The following BCHE variants were observed in gnomAD, a reference collection of about 807,000 sequenced individuals.
The protein encoded by BCHE is cholinesterase.
Under a neutral mutation model 51.3 loss-of-function variants are expected in BCHE, and 48 were observed. The ratio of observed to expected loss-of-function variants is 0.94; its 90% confidence interval spans 0.74 to 1.19. The LOEUF is 1.19. Among genes scored for constraint, BCHE ranks in the 50% most tolerant of loss-of-function variants. BCHE has a pLI of 0.00. For missense variants in BCHE, 847 were observed against 708.2 expected (o/e 1.20, Z -2.23); for synonymous variants, 251 against 238.0 (o/e 1.05, Z -0.50).
At chr3:165,810,599 GA>G (rs1226199117) in intron 2 of BCHE, among the ~76,000 whole-genome samples, 5 of 152,130 alleles carry the variant, frequency 3.3e-5, no homozygotes, top group African/African-American at 1.2e-4. Flanking sequence ...AACATGATAG[GA>G]AATATGAAAA....
At chr3:165,835,868 T>G (rs1412119641) in intron 1 of BCHE, among the ~76,000 whole-genome samples, 2 of 151,964 alleles carry the variant, frequency 1.3e-5, no homozygotes, top group Non-Finnish European at 2.9e-5. Flanking sequence ...CCTCTTAGGT[T>G]GCTATCTATT....
chr3:165,787,302 A>G (rs116035307), intron 2 of BCHE, among the ~76,000 whole-genome samples: 261 of 151,972 alleles, frequency 1.7e-3, no homozygotes, highest in African/African-American at 6.1e-3. Context: ...CACAGTCACT[A>G]CATCTGTAGA....
intron 3 of BCHE, among the ~76,000 whole-genome samples, chr3:165,775,460 A>T (rs1712433820): frequency 6.6e-6 from 1 of 151,746 alleles, no homozygotes; most frequent in Non-Finnish European, 1.5e-5. Context: ...ATCCATTTTT[A>T]TGGTCTTTTA....
intron 2 of BCHE, among the ~76,000 whole-genome samples, chr3:165,824,401 TAGAAG>T (rs1308681666): frequency 6.6e-6 from 1 of 151,962 alleles, no homozygotes; most frequent in Non-Finnish European, 1.5e-5. Context: ...GAAATAGGAA[TAGAAG>T]AGAATTTCCT....
intron 2 of BCHE, among the ~76,000 whole-genome samples, chr3:165,793,412 T>C (rs538712521): frequency 2.6e-5 from 4 of 152,304 alleles, no homozygotes; most frequent in South Asian, 2.1e-4. Context: ...TTCTATGTAC[T>C]TTAGCTGTCC....
At chr3:165,781,552 G>A (rs1233508829) in intron 3 of BCHE, among the ~76,000 whole-genome samples, 1 of 152,000 alleles carries the variant, frequency 6.6e-6, no homozygotes, top group Non-Finnish European at 1.5e-5. Flanking sequence ...GAGAACACAT[G>A]GACACAGGGA....
In BCHE at chr3:165,776,629, A is replaced by G. The variant is rs577646593; in HGVS notation, c.1685-3123T>C. ...AACAAGATAAAAATTAATTTTAGAAATAAAGAACCCTAACTTGTAGAAAGA... is the reference window on the plus strand; with the variant it reads ...AACAAGATAAAAATTAATTTTAGAAGTAAAGAACCCTAACTTGTAGAAAGA... On this transcript the variant is annotated intron_variant, in intron 3 of 3. Transcript: ENST00000264381. 2.0e-4 allele frequency among the ~76,000 whole-genome samples: 31 copies of G among 152,054 alleles called. No homozygotes were observed. The South Asian group carries it at 5.6e-3, about 27-fold the overall frequency.
intron 3 of BCHE, among the ~76,000 whole-genome samples, chr3:165,777,472 G>A (rs1000097292): frequency 4.6e-5 from 7 of 151,888 alleles, no homozygotes; most frequent in African/African-American, 1.7e-4. Flanking sequence ...AAAAATTTAT[G>A]TCAAGATTTC....
chr3:165,801,822 T>C (rs1713660396), intron 2 of BCHE, among the ~76,000 whole-genome samples: 1 of 152,288 alleles, frequency 6.6e-6, no homozygotes, highest in African/African-American at 2.4e-5. Flanking sequence ...TATACACTAT[T>C]TTGACAAATG....
chr3:165,775,309 A>G (rs1368274875), intron 3 of BCHE, among the ~76,000 whole-genome samples: 1 of 151,964 alleles, frequency 6.6e-6, no homozygotes, highest in Non-Finnish European at 1.5e-5. Flanking sequence ...AAGTTTACAT[A>G]AAGTGTTTCA....
At chr3:165,802,358 C>T (rs1408822083) in intron 2 of BCHE, among the ~76,000 whole-genome samples, 2 of 152,040 alleles carry the variant, frequency 1.3e-5, no homozygotes, top group Non-Finnish European at 2.9e-5. Context: ...ATTAAAAAAT[C>T]ACTGAAGAGT....
chr3:165,818,348 A>C (rs993264812), intron 2 of BCHE, among the ~76,000 whole-genome samples: 3 of 152,096 alleles, frequency 2.0e-5, no homozygotes, highest in African/African-American at 7.2e-5. Flanking sequence ...ATTTCTGCCA[A>C]CAATATATTC....
chr3:165,783,071 G>C (rs146603058), intron 3 of BCHE, among the ~76,000 whole-genome samples: 166 of 152,142 alleles, frequency 1.1e-3, no homozygotes, highest in Admixed American at 3.9e-3. Context: ...AGATAGGAGA[G>C]ATTATACTGA....
At chr3:165,800,964 TTAA>T (rs1713617978) in intron 2 of BCHE, among the ~76,000 whole-genome samples, 1 of 152,166 alleles carries the variant, frequency 6.6e-6, no homozygotes, top group South Asian at 2.1e-4. Flanking sequence ...CCAAATTTTT[TTAA>T]TAATGTGGTA....
chr3:165,823,082 G>A (rs772483461), intron 2 of BCHE, among the ~76,000 whole-genome samples: 23 of 152,140 alleles, frequency 1.5e-4, no homozygotes, highest in Middle Eastern at 3.4e-3. Context: ...AGAACAAAAC[G>A]AAGTAAAATA....
intron 3 of BCHE, among the ~76,000 whole-genome samples, chr3:165,780,678 C>T (rs995826888): frequency 6.6e-6 from 1 of 152,116 alleles, no homozygotes; most frequent in Admixed American, 6.6e-5. Flanking sequence ...CATCACTGAT[C>T]ATTGGAGAAA....
At position 165,830,564 on chromosome 3, in the gene BCHE, T is replaced by G; in HGVS notation, c.470A>C (p.Asp157Ala). Residue 157 changes from aspartate (D) to alanine (A), a missense_variant, in exon 2 of 4, where the codon GAT becomes GCT. Asp to Ala is a moderately radical substitution (Grantham distance 126). Transcript: ENST00000264381. The stretch of plus-strand genomic sequence containing the variant: ...TTCAACCCGAGCCAGAAACTTGCCA[T>G]CATAAACATGTAAAGATGATGTTCC... ...QTGTSSLHVYDGKFLARVERV... is the reference protein window; with the variant it reads ...QTGTSSLHVYAGKFLARVERV... The G allele has an allele frequency of 6.2e-7, 1 of 1,613,966 alleles. No individual in the cohort carries two copies. Among genetic ancestry groups the G allele is most frequent in the African/African-American group, 1.3e-5 (1 of 75,032 alleles).
chr3:165,833,937 A>G (rs1349763912), intron 1 of BCHE, among the ~76,000 whole-genome samples: 1 of 152,068 alleles, frequency 6.6e-6, no homozygotes, highest in Non-Finnish European at 1.5e-5. Context: ...TAGCTCAGTC[A>G]ATGTTCTTCT....
At chr3:165,801,838 G>T (rs75831251) in intron 2 of BCHE, among the ~76,000 whole-genome samples, 1 of 152,076 alleles carries the variant, frequency 6.6e-6, no homozygotes, top group East Asian at 1.9e-4. Context: ...AAATGTATCC[G>T]TTTTTGCCTC....
Sources: allele counts gnomAD v4.1 joint callset (sites outside exome capture counted in the v4.1 genomes callset), GRCh38; gene constraint gnomAD v4.1.1; transcripts MANE v1.5; gene names NCBI Gene and HGNC (gene_info 2026-07-23, HGNC 2026-07-21).